The following DOCK2 variants were observed in gnomAD, a reference collection of about 807,000 sequenced individuals.
The protein encoded by DOCK2 is dedicator of cytokinesis protein 2.
A neutral mutation model predicts 248.9 loss-of-function variants in DOCK2; 87 were observed. The ratio of observed to expected loss-of-function variants is 0.35; its 90% CI spans 0.29 to 0.42. The LOEUF (loss-of-function observed/expected upper bound fraction) is 0.42, where lower values mean the gene tolerates loss of function less well. DOCK2 is among the 10% of genes least tolerant of loss of function. DOCK2 has a pLI of 1.00. For missense variants in DOCK2, 1,747 were observed against 2,300.2 expected, an observed-to-expected ratio of 0.76 and a Z score of 4.92; for synonymous variants, 805 against 821.6, an observed-to-expected ratio of 0.98 and a Z score of 0.35.
chr5:169,942,741 G>C (rs565518232), intron 27 of DOCK2, among the ~76,000 whole-genome samples: 1 of 152,162 alleles, frequency 6.6e-6, no homozygotes, highest in Admixed American at 6.5e-5. Flanking sequence ...GAGAGACCAC[G>C]AGGGTTCAGG....
intron 22 of DOCK2, among the ~76,000 whole-genome samples, chr5:169,721,431 C>T (rs1762198805): frequency 6.6e-6 from 1 of 152,198 alleles, no homozygotes. Context: ...ATGATCTGCT[C>T]TCCAGTGGAG....
intron 6 of DOCK2, among the ~76,000 whole-genome samples, chr5:169,677,570 G>A (rs1312714878): frequency 6.6e-6 from 1 of 152,154 alleles, no homozygotes; most frequent in African/African-American, 2.4e-5. Flanking sequence ...TAAACCTGCT[G>A]AATATGTATG....
chr5:170,030,323 C>T (rs372258538), intron 34 of DOCK2, among the ~76,000 whole-genome samples: 2 of 152,110 alleles, frequency 1.3e-5, no homozygotes, highest in South Asian at 4.1e-4. Flanking sequence ...AAATCAAGCC[C>T]GACACAGGGA....
intron 22 of DOCK2, among the ~76,000 whole-genome samples, chr5:169,733,555 C>G (rs1457597295): frequency 6.6e-6 from 1 of 152,052 alleles, no homozygotes; most frequent in Non-Finnish European, 1.5e-5. Flanking sequence ...AAGCTCATCA[C>G]TCTTTCTCTT....
intron 48 of DOCK2, 140 bp from the exon 49 acceptor site, chr5:170,078,827 ATCCTCTGC>A: frequency 1.3e-6 from 1 of 790,900 alleles, no homozygotes; most frequent in African/African-American, 1.7e-5. Flanking sequence ...TGCTCCCCAA[ATCCTCTGC>A]CAGATTTGCT....
chr5:170,064,598 G>A (rs1757431768), intron 44 of DOCK2, among the ~76,000 whole-genome samples: 1 of 151,818 alleles, frequency 6.6e-6, no homozygotes, highest in South Asian at 2.1e-4. Context: ...AATGAGACTG[G>A]TATAAGAGAA....
chr5:169,857,475 G>A (rs1289349911), intron 27 of DOCK2, among the ~76,000 whole-genome samples: 5 of 152,058 alleles, frequency 3.3e-5, no homozygotes, highest in South Asian at 4.1e-4. Context: ...CACCGTACCC[G>A]GCCCCTCTCT....
chr5:169,641,987 G>A (rs1757175712), intron 1 of DOCK2, among the ~76,000 whole-genome samples: 2 of 152,178 alleles, frequency 1.3e-5, no homozygotes, highest in African/African-American at 2.4e-5. Context: ...TGCTGCCCCT[G>A]GCAGGTCTAA....
At chr5:170,021,019 G>C (rs763460132) in intron 33 of DOCK2, among the ~76,000 whole-genome samples, 3 of 152,218 alleles carry the variant, frequency 2.0e-5, no homozygotes, top group African/African-American at 4.8e-5. Flanking sequence ...ATCTCACATG[G>C]GAGAAAGTTG....
chr5:169,926,388 A>G (rs2113667717), intron 27 of DOCK2, among the ~76,000 whole-genome samples: 1 of 152,312 alleles, frequency 6.6e-6, no homozygotes, highest in East Asian at 1.9e-4. Context: ...TTCAACTGCC[A>G]TATACATGCT....
chr5:169,962,811 G>A (rs895354674), intron 27 of DOCK2, among the ~76,000 whole-genome samples: 3 of 152,174 alleles, frequency 2.0e-5, no homozygotes, highest in Admixed American at 6.5e-5. Context: ...CAAGGTAGAC[G>A]TCAAAATAAG....
chr5:169,945,262 A>G (rs1776399809), intron 27 of DOCK2, among the ~76,000 whole-genome samples: 1 of 152,266 alleles, frequency 6.6e-6, no homozygotes, highest in Non-Finnish European at 1.5e-5. Context: ...ACAACGGGTC[A>G]ATAATACCAT....
chr5:169,945,815 C>T lies in DOCK2; in HGVS notation c.2800-37253C>T, dbSNP rs79272032. 8.0e-3 allele frequency among the ~76,000 whole-genome samples: 1,216 copies of T among 152,316 alleles called. 62 individuals carry two copies. In the East Asian group the frequency reaches 0.13, roughly 17 times the overall value. On this transcript the variant is annotated intron_variant, in intron 27 of 51. Coordinates refer to ENST00000520908, the MANE Select transcript of DOCK2 (RefSeq NM_004946.3). Reference sequence around the variant, plus strand: ...CTGGCTTTTGCTTATTGTTTGGATTCGCCCACGGCCTCCGTCCTTTGTGCA... The same window carrying T: ...CTGGCTTTTGCTTATTGTTTGGATTTGCCCACGGCCTCCGTCCTTTGTGCA...
At chr5:170,013,257 C>T (rs564189695) in intron 32 of DOCK2, among the ~76,000 whole-genome samples, 4 of 152,110 alleles carry the variant, frequency 2.6e-5, no homozygotes, top group Admixed American at 6.5e-5. Flanking sequence ...TGTGGCCATC[C>T]GTCCATTCAT....
intron 27 of DOCK2, among the ~76,000 whole-genome samples, chr5:169,847,240 A>T (rs1469732062): frequency 6.6e-6 from 1 of 152,158 alleles, no homozygotes; most frequent in South Asian, 2.1e-4. Flanking sequence ...TGAATGGTAG[A>T]TCTACTTTTG....
chr5:169,878,822 G>A (rs17646198), intron 27 of DOCK2, among the ~76,000 whole-genome samples: 9,189 of 152,270 alleles, frequency 0.06, 349 homozygotes, highest in Non-Finnish European at 0.086. Flanking sequence ...AGAGCCAATT[G>A]CCACTCACTT....
chr5:169,671,058 T>A lies in DOCK2; in HGVS notation c.225-20T>A. 1 of 1,610,382 alleles carries A rather than the reference T, an allele frequency of 6.2e-7. No individual in the cohort carries two copies. The highest frequency in any genetic ancestry group is 8.5e-7 in the Non-Finnish European group (1 of 1,177,398). ...ACCTGGGTCTCAATTTCACACCACT[T>A]TTTCTCCCACCTTAAATAGAAATAC... is the stretch of plus-strand genomic sequence containing the variant. On this transcript the variant is annotated intron_variant, in intron 4 of 51. Coordinates refer to ENST00000520908, the MANE Select transcript of DOCK2 (RefSeq NM_004946.3).
At chr5:169,844,310 G>C (rs1353615050) in intron 27 of DOCK2, among the ~76,000 whole-genome samples, 1 of 152,190 alleles carries the variant, frequency 6.6e-6, no homozygotes, top group Non-Finnish European at 1.5e-5. Context: ...GACAGCTTTA[G>C]AGATCAGCAC....
At chr5:169,777,952 C>T (rs960214576) in intron 25 of DOCK2, among the ~76,000 whole-genome samples, 1 of 152,238 alleles carries the variant, frequency 6.6e-6, no homozygotes, top group Admixed American at 6.5e-5. Flanking sequence ...CCTCCGTCTT[C>T]ATTTTCCTCA....
Sources: gnomAD v4.1 joint callset for allele counts (sites outside exome capture counted in the v4.1 genomes callset) on GRCh38, gnomAD v4.1.1 for gene constraint, MANE v1.5 for transcripts, NCBI Gene and HGNC (gene_info 2026-07-23, HGNC 2026-07-21) for gene names.